LRCH3: variants seen among roughly 807,000 people sequenced by gnomAD.
The protein encoded by LRCH3 is leucine rich repeats and calponin homology domain containing 3.
LRCH3 carries 68 observed loss-of-function variants against 104.5 expected under a neutral mutation model. The ratio of observed to expected loss-of-function variants is 0.65; its 90% CI spans 0.54 to 0.80. LRCH3 has a LOEUF of 0.80. Ranked by LOEUF, LRCH3 falls within the 30% of genes least tolerant of loss-of-function variation. LRCH3 has a pLI of 0.00. For missense variants in LRCH3, 951 were observed against 953.9 expected, an observed-to-expected ratio of 1.00 and a Z score of 0.04; for synonymous variants, 344 against 361.3, an observed-to-expected ratio of 0.95 and a Z score of 0.54.
At position 197,871,342 on chromosome 3, in the gene LRCH3, G is replaced by C; in HGVS notation, c.2010G>C (p.Leu670Phe). The C allele has an allele frequency of 6.2e-7, 1 of 1,613,694 alleles. No individual in the cohort carries two copies. Among genetic ancestry groups the C allele is most frequent in the Non-Finnish European group, 8.5e-7 (1 of 1,179,728 alleles). The change falls in exon 19 of 21, where the codon TTG becomes TTC. Residue 670 changes from leucine to phenylalanine, a missense_variant. Physicochemically the swap from Leu to Phe is conservative, Grantham distance 22. Transcript: ENST00000425562. ...DQLRKHIEYR[L>F]KVSLPCDLGA... ...TCTTTCAGCATATTGAGTACCGGTT[G>C]AAAGTGTCTCTACCTTGTGATCTCG...
At chr3:197,831,596 T>C (rs1735943983) in intron 7 of LRCH3, among the ~76,000 whole-genome samples, 1 of 152,044 alleles carries the variant, frequency 6.6e-6, no homozygotes, top group African/African-American at 2.4e-5. Context: ...AATACAGATA[T>C]ATATGTAGAT....
chr3:197,803,418 T>C (rs1345146360), intron 1 of LRCH3, among the ~76,000 whole-genome samples: 2 of 152,166 alleles, frequency 1.3e-5, no homozygotes, highest in Admixed American at 6.5e-5. Flanking sequence ...AGATCCGGGG[T>C]GGAGTCCATT....
chr3:197,803,160 A>C (rs1383958016), intron 1 of LRCH3, among the ~76,000 whole-genome samples: 2 of 152,196 alleles, frequency 1.3e-5, no homozygotes, highest in Admixed American at 6.5e-5. Flanking sequence ...GTAGTGAAGG[A>C]GGCTTTCTCT....
chr3:197,858,341 G>A (rs1740513101), intron 14 of LRCH3, among the ~76,000 whole-genome samples: 1 of 152,164 alleles, frequency 6.6e-6, no homozygotes, highest in Non-Finnish European at 1.5e-5. Flanking sequence ...ATAGTCATTA[G>A]GAGTTTCACA....
intron 15 of LRCH3, among the ~76,000 whole-genome samples, chr3:197,864,992 C>A (rs1244226745): frequency 6.6e-6 from 1 of 151,902 alleles, no homozygotes; most frequent in Non-Finnish European, 1.5e-5. Context: ...AGAGTGAGAC[C>A]TTGTCTCAAA....
At chr3:197,868,610 ATAAATGAATTGTGG>A (rs1711632133) in intron 17 of LRCH3, among the ~76,000 whole-genome samples, 1 of 152,256 alleles carries the variant, frequency 6.6e-6, no homozygotes, top group South Asian at 2.1e-4. Context: ...AAGAGAATGG[ATAAATGAATTGTGG>A]TATATTTGTA....
chr3:197,803,318 A>G (rs1167600087), intron 1 of LRCH3, among the ~76,000 whole-genome samples: 1 of 152,112 alleles, frequency 6.6e-6, no homozygotes, highest in Non-Finnish European at 1.5e-5. Context: ...TAGCATATTG[A>G]TTCTCAGGCT....
At chr3:197,812,192 G>A in intron 1 of LRCH3, among the ~76,000 whole-genome samples, 1 of 152,004 alleles carries the variant, frequency 6.6e-6, no homozygotes, top group East Asian at 1.9e-4. Flanking sequence ...ATTACTTCCT[G>A]GTAATCATTC....
chr3:197,797,326 TCAAA>T (rs1731329030), intron 1 of LRCH3, among the ~76,000 whole-genome samples: 1 of 4,386 alleles, frequency 2.3e-4, no homozygotes, highest in Non-Finnish European at 5.3e-4. Flanking sequence ...AAACTCCATC[TCAAA>T]AAAAAAAAAA....
intron 20 of LRCH3, chr3:197,876,305 T>C (rs1318972726): frequency 3.3e-5 from 5 of 152,248 alleles, no homozygotes; most frequent in African/African-American, 1.2e-4. Flanking sequence ...TTACAGGCTT[T>C]ATTTGGATTT....
At chr3:197,879,572 G>A (rs891875703) in intron 20 of LRCH3, among the ~76,000 whole-genome samples, 4 of 151,998 alleles carry the variant, frequency 2.6e-5, no homozygotes, top group Non-Finnish European at 5.9e-5. Flanking sequence ...CGGGAACCCG[G>A]GAGGCGGAGC....
intron 15 of LRCH3, among the ~76,000 whole-genome samples, chr3:197,863,549 G>A (rs1435337532): frequency 1.3e-5 from 2 of 152,110 alleles, no homozygotes; most frequent in Non-Finnish European, 2.9e-5. Flanking sequence ...GTGGCCCATC[G>A]CGCTCGGCCT....
At position 197,883,632 on chromosome 3, in the gene LRCH3, C is replaced by T. The variant is rs1713972460; in HGVS notation, c.2300C>T (p.Pro767Leu). 12 of 1,536,068 alleles carry T rather than the reference C, an allele frequency of 7.8e-6. 2 individuals are homozygous for T. Among genetic ancestry groups the T allele is most frequent in the Non-Finnish European group, 8.7e-7 (1 of 1,146,890 alleles). ...CAGGCTCTCCTGGAACTTGCCCCACCCAAGCAACAGCAGCACCAGTTATCT... is the reference window on the plus strand; with the variant it reads ...CAGGCTCTCCTGGAACTTGCCCCACTCAAGCAACAGCAGCACCAGTTATCT... The part of the protein sequence containing the change: ...TVQALLELAP[P>L]KQQQHQLSAV Residue 767 changes from proline (P) to leucine (L), a missense_variant, in exon 21 of 21, where the codon CCC (proline) becomes CTC (leucine). Pro to Leu is a moderately conservative substitution (Grantham distance 98, BLOSUM62 -3). Transcript: ENST00000425562. The surrounding 1 kb of genome is among the most constrained non-coding windows in gnomAD (Gnocchi z 4.2).
At chr3:197,872,380 A>G (rs1204320019) in intron 19 of LRCH3, among the ~76,000 whole-genome samples, 1 of 137,740 alleles carries the variant, frequency 7.3e-6, no homozygotes, top group Non-Finnish European at 1.6e-5. Flanking sequence ...AAAAAAAAAA[A>G]GGAATGATGA....
rs1739975765 is a variant in LRCH3 at position 197,854,156 on chromosome 3, G to C, written c.1591-236G>C. ...TCCCTCCTTGCTTTGTAAGGTTTTAGGCAATAAGATCGTATTTGAAGTTGT... is the reference window on the plus strand; with the variant it reads ...TCCCTCCTTGCTTTGTAAGGTTTTACGCAATAAGATCGTATTTGAAGTTGT... On this transcript the variant is annotated intron_variant, in intron 13 of 20. Transcript: ENST00000425562. This position sits in a 1 kb window ranked among gnomAD's most constrained non-coding sequence, Gnocchi z 4.5. Among the ~76,000 whole-genome samples, 1 of 151,984 alleles carries C rather than the reference G, an allele frequency of 6.6e-6. No individual in the cohort carries two copies. Among genetic ancestry groups the C allele is most frequent in the Non-Finnish European group, 1.5e-5 (1 of 67,972 alleles).
chr3:197,810,905 T>C lies in LRCH3; in HGVS notation c.263-4003T>C, dbSNP rs1351593067. Among the ~76,000 whole-genome samples, 2 of 152,168 alleles carry C rather than the reference T, an allele frequency of 1.3e-5. No individual in the cohort carries two copies. The highest frequency in any genetic ancestry group is 1.9e-4 in the East Asian group (1 of 5,202). Reference sequence around the variant, plus strand: ...AAATAAGACTTTTGAATGAAAAGCATTAGAAAAACTATGTTTTGTGATCTC... The same window carrying C: ...AAATAAGACTTTTGAATGAAAAGCACTAGAAAAACTATGTTTTGTGATCTC... On this transcript the variant is annotated intron_variant, in intron 1 of 20. Coordinates refer to ENST00000425562, the MANE Select transcript of LRCH3 (RefSeq NM_001365715.1). This position sits in a 1 kb window ranked among gnomAD's most constrained non-coding sequence, Gnocchi z 4.0.
intron 5 of LRCH3, among the ~76,000 whole-genome samples, chr3:197,827,911 T>G (rs568432128): frequency 1.3e-5 from 2 of 151,994 alleles, no homozygotes; most frequent in Admixed American, 6.6e-5. Context: ...ACCTTGTCTC[T>G]ACTAAAAATA....
In LRCH3 at chr3:197,886,559, C is replaced by T. The variant is rs1029755987; in HGVS notation, c.*2893C>T. On this transcript the variant is annotated 3_prime_UTR_variant, in exon 21 of 21. Transcript: ENST00000425562. ...GTACAGTCTCCAAATTATATGCCAC[C>T]AGAAATGAAATTCAGCAAAGGACAG... 1 of 152,022 alleles carries T rather than the reference C, an allele frequency of 6.6e-6. No individual in the cohort carries two copies. The highest frequency in any genetic ancestry group is 1.5e-5 in the Non-Finnish European group (1 of 68,020). 9.4% of individuals were successfully genotyped at this position (152,022 alleles called of 1,614,324 possible). A position where few individuals can be genotyped will look rare whatever the true frequency, so the allele number is the denominator to read the frequency against.
intron 5 of LRCH3, 88 bp from the exon 6 acceptor site, chr3:197,829,476 A>G (rs1735642405): frequency 8.2e-6 from 6 of 734,278 alleles, no homozygotes; most frequent in South Asian, 2.1e-5. Context: ...CCCTTTCCCA[A>G]TGTATGTTAC....
Sources: allele counts gnomAD v4.1 joint callset (sites outside exome capture counted in the v4.1 genomes callset), GRCh38; gene constraint gnomAD v4.1.1; non-coding constraint Gnocchi (gnomAD v3.1); transcripts MANE v1.5; gene names NCBI Gene and HGNC (gene_info 2026-07-23, HGNC 2026-07-21).